The following MORC1 variants were observed in gnomAD, a reference collection of about 807,000 sequenced individuals.
The protein encoded by MORC1 is MORC family CW-type zinc finger protein 1.
MORC1 carries 59 observed loss-of-function variants against 134.9 expected under a neutral mutation model. The observed-to-expected ratio is 0.44, with a 90% CI of 0.35 to 0.54. The LOEUF (loss-of-function observed/expected upper bound fraction) is 0.54, where lower values mean the gene tolerates loss of function less well. Ranked by LOEUF, MORC1 falls within the 20% of genes least tolerant of loss-of-function variation. The pLI is 0.00. For missense variants in MORC1, 947 were observed against 1,134.5 expected (o/e 0.83, Z 2.37); for synonymous variants, 395 against 391.7 (o/e 1.01, Z -0.10).
intron 17 of MORC1, among the ~76,000 whole-genome samples, chr3:109,026,054 A>G (rs1949066546): frequency 6.6e-6 from 1 of 152,206 alleles, no homozygotes; most frequent in Non-Finnish European, 1.5e-5. Context: ...TATGTGCTCA[A>G]TGATCACCTC....
chr3:109,038,842 C>T (rs949097635), intron 14 of MORC1, among the ~76,000 whole-genome samples: 2 of 152,086 alleles, frequency 1.3e-5, no homozygotes, highest in African/African-American at 4.8e-5. Context: ...TTACTGTAGC[C>T]TTGTAGTATA....
chr3:109,068,866 T>C (rs992856466), intron 9 of MORC1, among the ~76,000 whole-genome samples: 2 of 152,172 alleles, frequency 1.3e-5, no homozygotes, highest in African/African-American at 4.8e-5. Flanking sequence ...AGGCCGGGCC[T>C]GGTGGGTGGC....
chr3:109,109,119 T>C (rs1388285252), intron 3 of MORC1, among the ~76,000 whole-genome samples: 2 of 152,076 alleles, frequency 1.3e-5, no homozygotes, highest in Non-Finnish European at 2.9e-5. Flanking sequence ...ATCATTCAGG[T>C]CTTTGCTTGT....
At chr3:109,101,016 G>T (rs1950915833) in intron 4 of MORC1, among the ~76,000 whole-genome samples, 2 of 152,170 alleles carry the variant, frequency 1.3e-5, no homozygotes. Flanking sequence ...ACTGTATACT[G>T]AAAGAGATGA....
intron 27 of MORC1, among the ~76,000 whole-genome samples, chr3:108,961,016 T>C (rs1255415070): frequency 6.6e-6 from 1 of 152,134 alleles, no homozygotes; most frequent in African/African-American, 2.4e-5. Context: ...TTTAATCCCG[T>C]TTTTCCATAA....
chr3:108,960,762 C>T (rs190960592), intron 27 of MORC1, among the ~76,000 whole-genome samples: 3 of 152,066 alleles, frequency 2.0e-5, no homozygotes, highest in Admixed American at 6.6e-5. Flanking sequence ...AATCATTAGG[C>T]ATACACCTTA....
intron 17 of MORC1, among the ~76,000 whole-genome samples, chr3:109,007,501 G>T (rs1948569391): frequency 6.6e-6 from 1 of 152,144 alleles, no homozygotes; most frequent in African/African-American, 2.4e-5. Context: ...AGCTTCAATG[G>T]ACTCTTGAGG....
intron 12 of MORC1, among the ~76,000 whole-genome samples, chr3:109,057,715 T>C (rs1248393991): frequency 2.0e-5 from 3 of 152,178 alleles, no homozygotes; most frequent in East Asian, 1.9e-4. Context: ...CAAAAACACA[T>C]CTGCCAATTT....
intron 14 of MORC1, among the ~76,000 whole-genome samples, chr3:109,041,634 G>A (rs907334121): frequency 2.6e-5 from 4 of 152,110 alleles, no homozygotes; most frequent in African/African-American, 7.2e-5. Flanking sequence ...AGCTCATGAG[G>A]TCAAGAGATC....
chr3:109,044,494 C>T (rs2044591), intron 14 of MORC1, among the ~76,000 whole-genome samples: 30,776 of 149,408 alleles, frequency 0.21, 3,490 homozygotes, highest in Middle Eastern at 0.33. Context: ...GGAGGCAGAG[C>T]TTGCAGTGAG....
intron 17 of MORC1, among the ~76,000 whole-genome samples, chr3:109,009,304 C>T (rs6770363): frequency 0.2 from 30,666 of 150,012 alleles, 3,459 homozygotes; most frequent in Middle Eastern, 0.33. Flanking sequence ...CTCCTGGGTT[C>T]GAGTGATCCT....
intron 8 of MORC1, among the ~76,000 whole-genome samples, chr3:109,088,784 T>A (rs879656102): frequency 1.3e-5 from 2 of 152,134 alleles, no homozygotes; most frequent in Non-Finnish European, 2.9e-5. Context: ...TAGCACTATT[T>A]ACTATATCAC....
intron 7 of MORC1, 29 bp downstream of exon 7, chr3:109,094,880 T>A: frequency 3.3e-6 from 5 of 1,531,724 alleles, no homozygotes; most frequent in Non-Finnish European, 4.4e-6. Context: ...AATACTTCCA[T>A]CAAATTGTCA....
At chr3:108,959,316 G>T (rs1326971273) in intron 27 of MORC1, among the ~76,000 whole-genome samples, 196 bp from the exon 28 acceptor site, 1 of 151,884 alleles carries the variant, frequency 6.6e-6, no homozygotes, top group Non-Finnish European at 1.5e-5. Context: ...TTAGAAACTT[G>T]GTTCATTTTT....
At chr3:109,018,331 T>C (rs1948866117) in intron 17 of MORC1, among the ~76,000 whole-genome samples, 1 of 152,072 alleles carries the variant, frequency 6.6e-6, no homozygotes. Flanking sequence ...TGATTATTAG[T>C]GGAGAGGGCA....
chr3:109,031,942 T>A (rs1949250450), intron 16 of MORC1, among the ~76,000 whole-genome samples: 1 of 152,206 alleles, frequency 6.6e-6, no homozygotes, highest in Admixed American at 6.5e-5. Flanking sequence ...TTCTTCAGTC[T>A]CTAAATATAA....
chr3:109,078,877 AAAATAT>A (rs1950472993), intron 8 of MORC1, among the ~76,000 whole-genome samples: 1 of 151,980 alleles, frequency 6.6e-6, no homozygotes, highest in African/African-American at 2.4e-5. Context: ...AACAAACTGG[AAAATAT>A]AAATAAAATG....
chr3:109,079,863 A>G (rs1428542356), intron 8 of MORC1, among the ~76,000 whole-genome samples: 1 of 152,130 alleles, frequency 6.6e-6, no homozygotes. Flanking sequence ...AAAATCTTAT[A>G]TGAATACCAA....
chr3:109,042,914 G>C (rs2107639506), intron 14 of MORC1, among the ~76,000 whole-genome samples: 1 of 152,222 alleles, frequency 6.6e-6, no homozygotes, highest in East Asian at 1.9e-4. Context: ...ATGGTTACCA[G>C]AGGCTGGGGG....
Sources: gnomAD v4.1 joint callset for allele counts (sites outside exome capture counted in the v4.1 genomes callset) on GRCh38, gnomAD v4.1.1 for gene constraint, MANE v1.5 for transcripts, NCBI Gene and HGNC (gene_info 2026-07-23, HGNC 2026-07-21) for gene names.